The following DCDC2 variants were observed in gnomAD, a reference collection of about 807,000 sequenced individuals.
The protein encoded by DCDC2 is doublecortin domain-containing protein 2.
Under a neutral mutation model 50.2 loss-of-function variants are expected in DCDC2, and 40 were observed. That is an observed-to-expected ratio of 0.80 (90% CI 0.62 to 1.04). The LOEUF (loss-of-function observed/expected upper bound fraction) is 1.04. DCDC2 is among the 50% of genes least tolerant of loss of function. The pLI is 0.00. For missense variants in DCDC2, 570 were observed against 581.9 expected (o/e 0.98, Z 0.21); for synonymous variants, 234 against 210.6 (o/e 1.11, Z -0.96).
chr6:24,341,931 C>T (rs912733674), intron 2 of DCDC2, among the ~76,000 whole-genome samples: 1 of 121,382 alleles, frequency 8.2e-6, no homozygotes, highest in Non-Finnish European at 1.7e-5. Context: ...AGAGGGCGCA[C>T]GCATGTGTGC....
chr6:24,208,619 C>T (rs932198842), intron 7 of DCDC2, among the ~76,000 whole-genome samples: 1 of 152,192 alleles, frequency 6.6e-6, no homozygotes, highest in Non-Finnish European at 1.5e-5. Context: ...ATCCACCCTC[C>T]TCAGCCTCCC....
chr6:24,296,238 A>G (rs1386173975), intron 4 of DCDC2, among the ~76,000 whole-genome samples: 2 of 152,240 alleles, frequency 1.3e-5, no homozygotes, highest in Non-Finnish European at 2.9e-5. Flanking sequence ...AGGAGTCCCT[A>G]TTCAATAAAT....
At chr6:24,378,958 A>G in the DCDC2 span, among the ~76,000 whole-genome samples, 1 of 147,882 alleles carries the variant, frequency 6.8e-6, no homozygotes, top group South Asian at 2.1e-4. Context: ...CTCATTTGGA[A>G]AAAAAAAAAA....
intron 7 of DCDC2, among the ~76,000 whole-genome samples, chr6:24,260,750 G>GA (rs1762990548): frequency 6.6e-6 from 1 of 152,154 alleles, no homozygotes; most frequent in African/African-American, 2.4e-5. Flanking sequence ...TTACCAAATT[G>GA]AAAATATAAT....
intron 7 of DCDC2, among the ~76,000 whole-genome samples, chr6:24,251,386 T>C (rs755199547): frequency 2.0e-5 from 3 of 152,240 alleles, no homozygotes; most frequent in Non-Finnish European, 4.4e-5. Flanking sequence ...TTTTGGTCTG[T>C]TACTTTAGAG....
At chr6:24,213,481 T>C (rs1037143099) in intron 7 of DCDC2, among the ~76,000 whole-genome samples, 1 of 152,168 alleles carries the variant, frequency 6.6e-6, no homozygotes, top group Non-Finnish European at 1.5e-5. Context: ...TCAATCCATT[T>C]ATAAGGCAAT....
chr6:24,236,675 A>T (rs1762445733), intron 7 of DCDC2, among the ~76,000 whole-genome samples: 1 of 152,142 alleles, frequency 6.6e-6, no homozygotes, highest in Non-Finnish European at 1.5e-5. Flanking sequence ...ATTATAAGGA[A>T]CTTAAATCAA....
chr6:24,331,643 T>G (rs1007574917), intron 2 of DCDC2, among the ~76,000 whole-genome samples: 2 of 152,236 alleles, frequency 1.3e-5, no homozygotes, highest in African/African-American at 4.8e-5. Context: ...TAAATGCTTT[T>G]AAGTATTTTT....
upstream of DCDC2, among the ~76,000 whole-genome samples, chr6:24,359,793 GA>G (rs1338129599): frequency 8.4e-6 from 1 of 118,448 alleles, no homozygotes; most frequent in Non-Finnish European, 2.1e-5. Flanking sequence ...GAATGAATGA[GA>G]AACAGAGCGA....
At chr6:24,212,357 A>G (rs113442906) in intron 7 of DCDC2, among the ~76,000 whole-genome samples, 1,772 of 152,182 alleles carry the variant, frequency 0.012, 41 homozygotes, top group African/African-American at 0.04. Flanking sequence ...CCTTTCAGAT[A>G]CCCTCTGCTC....
At chr6:24,198,889 C>T (rs898978845) in intron 8 of DCDC2, among the ~76,000 whole-genome samples, 4 of 152,194 alleles carry the variant, frequency 2.6e-5, no homozygotes, top group East Asian at 3.9e-4. Flanking sequence ...AACGAAGCCA[C>T]GGGGAGCTTC....
At chr6:24,199,009 T>G (rs1311412273) in intron 8 of DCDC2, among the ~76,000 whole-genome samples, 1 of 152,164 alleles carries the variant, frequency 6.6e-6, no homozygotes, top group Admixed American at 6.5e-5. Flanking sequence ...GCAGCTCCAG[T>G]CAGGGGCTCA....
At position 24,357,974 on chromosome 6, in the gene DCDC2, G is replaced by T. The variant is rs9379657; in HGVS notation, c.-224C>A. On this transcript the variant is annotated 5_prime_UTR_variant, in exon 1 of 10. Transcript: ENST00000378454. ...GGAGTAGACGCTCAAGTTTTTCACC[G>T]TGGCGTGCACAGCCAATCAGGACCC... 1.2e-5 allele frequency: 18 copies of T among 1,467,116 alleles called. No individual in the cohort carries two copies. The highest frequency in any genetic ancestry group is 1.6e-5 in the Non-Finnish European group (18 of 1,105,210). The allele number at this position is 1,467,116 out of a possible 1,614,324, so 90.9% of individuals were successfully genotyped here.
chr6:24,369,023 A>T, the DCDC2 span, among the ~76,000 whole-genome samples: 1 of 151,558 alleles, frequency 6.6e-6, no homozygotes, highest in Admixed American at 6.6e-5. Context: ...AATCCCAGCT[A>T]CTCAGTAGGC....
chr6:24,211,505 G>C (rs142438496), intron 7 of DCDC2, among the ~76,000 whole-genome samples: 8 of 152,180 alleles, frequency 5.3e-5, no homozygotes, highest in African/African-American at 1.7e-4. Context: ...ATGGAATTAA[G>C]GTTGCTAAGC....
intron 2 of DCDC2, among the ~76,000 whole-genome samples, chr6:24,326,833 T>C (rs1394686680): frequency 6.9e-6 from 1 of 144,324 alleles, no homozygotes; most frequent in African/African-American, 2.5e-5. Flanking sequence ...CACTCCAGCC[T>C]GGGTGACAGA....
chr6:24,246,338 C>T (rs533160224), intron 7 of DCDC2, among the ~76,000 whole-genome samples: 27 of 151,946 alleles, frequency 1.8e-4, no homozygotes, highest in Non-Finnish European at 3.2e-4. Context: ...TTCCAAATGA[C>T]TAGATCTTTA....
chr6:24,248,397 T>C (rs1581610401), intron 7 of DCDC2, among the ~76,000 whole-genome samples: 1 of 152,214 alleles, frequency 6.6e-6, no homozygotes. Context: ...AAAACTGAGA[T>C]AGTAGCTGCT....
intron 4 of DCDC2, 39 bp from the exon 5 acceptor site, chr6:24,291,117 C>A: frequency 6.3e-7 from 1 of 1,579,374 alleles, no homozygotes; most frequent in Non-Finnish European, 8.6e-7. Context: ...GAATTTTAAC[C>A]AACATTTAAA....
Sources: allele counts gnomAD v4.1 joint callset (sites outside exome capture counted in the v4.1 genomes callset), GRCh38; gene constraint gnomAD v4.1.1; transcripts MANE v1.5; gene names NCBI Gene and HGNC (gene_info 2026-07-23, HGNC 2026-07-21).